DLGAP2: variants seen among roughly 807,000 people sequenced by gnomAD.
DLGAP2 encodes the protein disks large-associated protein 2.
A neutral mutation model predicts 100.3 loss-of-function variants in DLGAP2; 26 were observed. The ratio of observed to expected loss-of-function variants is 0.26; its 90% confidence interval spans 0.19 to 0.36. The LOEUF is 0.36. Among genes scored for constraint, DLGAP2 ranks in the 10% least tolerant of loss-of-function variants. The probability of loss-of-function intolerance (pLI) is 1.00; values close to 1 mark genes in which losing one functional copy is unlikely to be tolerated. For synonymous variants in DLGAP2, 886 were observed against 630.1 expected (o/e 1.41, Z -6.08); for missense variants, 1,858 against 1,453.2 (o/e 1.28, Z -4.53).
chr8:1,500,196 G>A (rs918720013), intron 3 of DLGAP2, among the ~76,000 whole-genome samples: 36 of 152,208 alleles, frequency 2.4e-4, no homozygotes, highest in African/African-American at 7.2e-4. Context: ...CACATGTAAC[G>A]TGGTGCCAAA....
rs547141333 is a variant in DLGAP2 at position 1,699,629 on chromosome 8, G to A, written c.2950-1559G>A. 5.9e-5 allele frequency among the ~76,000 whole-genome samples: 9 copies of A among 152,014 alleles called. No individual in the cohort carries two copies. In the South Asian group the frequency reaches 1.9e-3, roughly 32 times the overall value. On this transcript the variant is annotated intron_variant, in intron 14 of 14. Transcript: ENST00000637795. ...ACTCTGTCTCAAAAAAAAAAAGAAA[G>A]AAAATGGAAATGGTTTCTCGCTGAG... is the stretch of plus-strand genomic sequence containing the variant.
At chr8:1,084,904 T>A (rs1803924765) in intron 2 of DLGAP2, among the ~76,000 whole-genome samples, 1 of 152,220 alleles carries the variant, frequency 6.6e-6, no homozygotes, top group Non-Finnish European at 1.5e-5. Context: ...GAAGTGGGAC[T>A]GCTGGATCAT....
At chr8:998,393 T>C in intron 2 of DLGAP2, among the ~76,000 whole-genome samples, 1 of 152,090 alleles carries the variant, frequency 6.6e-6, no homozygotes, top group Non-Finnish European at 1.5e-5. Flanking sequence ...CTTGAACTCC[T>C]GGGCTCAAGC....
At chr8:1,104,617 C>T (rs76178507) in intron 2 of DLGAP2, among the ~76,000 whole-genome samples, 2,207 of 152,266 alleles carry the variant, frequency 0.014, 51 homozygotes, top group African/African-American at 0.05. Context: ...CTCATTTAAT[C>T]CTTGGGCTGC....
At chr8:1,283,785 A>C (rs893903816) in intron 3 of DLGAP2, among the ~76,000 whole-genome samples, 4 of 152,238 alleles carry the variant, frequency 2.6e-5, no homozygotes, top group Admixed American at 2.6e-4. Context: ...AGTAAAGCAT[A>C]TTTACTGCTA....
chr8:1,139,977 C>G (rs951309298), intron 2 of DLGAP2, among the ~76,000 whole-genome samples: 1 of 152,284 alleles, frequency 6.6e-6, no homozygotes, highest in Admixed American at 6.5e-5. Context: ...GGGGCCTGAG[C>G]CAGCCTTGCT....
chr8:960,418 G>A (rs988165312), intron 2 of DLGAP2, among the ~76,000 whole-genome samples: 3 of 151,376 alleles, frequency 2.0e-5, no homozygotes, highest in Non-Finnish European at 4.4e-5. Context: ...TTTTAGTAGA[G>A]ACGGAGTTTC....
intron 2 of DLGAP2, among the ~76,000 whole-genome samples, chr8:1,060,425 G>C (rs1048048320): frequency 6.6e-6 from 1 of 151,682 alleles, no homozygotes; most frequent in Non-Finnish European, 1.5e-5. Context: ...CTGTGTCCTT[G>C]CTGTGTCCTT....
chr8:1,416,854 C>G (rs1796899739), intron 3 of DLGAP2, among the ~76,000 whole-genome samples: 1 of 152,202 alleles, frequency 6.6e-6, no homozygotes, highest in Admixed American at 6.5e-5. Flanking sequence ...AAAGCGTGAG[C>G]ATAATCCGTT....
chr8:1,165,999 G>A (rs1029330091), intron 2 of DLGAP2, among the ~76,000 whole-genome samples: 2 of 152,138 alleles, frequency 1.3e-5, no homozygotes, highest in African/African-American at 4.8e-5. Context: ...TGGAAAAAAT[G>A]TGGCTAATTA....
intron 4 of DLGAP2, among the ~76,000 whole-genome samples, chr8:1,511,730 A>G (rs1800170762): frequency 6.6e-6 from 1 of 151,892 alleles, no homozygotes; most frequent in Admixed American, 6.5e-5. Context: ...CTAGTGTAAG[A>G]CAATCAATAG....
At chr8:1,462,963 A>G (rs1009008084) in intron 3 of DLGAP2, among the ~76,000 whole-genome samples, 2 of 152,214 alleles carry the variant, frequency 1.3e-5, no homozygotes, top group East Asian at 3.9e-4. Flanking sequence ...TTAAAGTTCA[A>G]GTGGGCCAGG....
At chr8:1,597,034 T>C (rs1796479783) in intron 6 of DLGAP2, among the ~76,000 whole-genome samples, 1 of 152,222 alleles carries the variant, frequency 6.6e-6, no homozygotes, top group Non-Finnish European at 1.5e-5. Context: ...CTTGAGTTAA[T>C]TTTAGTATAA....
In DLGAP2 at chr8:1,120,377, C is replaced by T. The variant is rs186619815; in HGVS notation, c.74-138474C>T. Among the ~76,000 whole-genome samples the T allele has an allele frequency of 2.1e-3, 315 of 152,330 alleles. 1 individual carries two copies. The highest frequency in any genetic ancestry group is 6.4e-3 in the African/African-American group (264 of 41,574). On this transcript the variant is annotated intron_variant, in intron 2 of 14. Transcript: ENST00000637795. ...GGGGCACCCCTTCAGAATTTGTGAA[C>T]ACTAACCCTAGTCCTTCAGATACCA...
At chr8:982,250 C>A (rs374445507) in intron 2 of DLGAP2, among the ~76,000 whole-genome samples, 1 of 152,192 alleles carries the variant, frequency 6.6e-6, no homozygotes, top group Non-Finnish European at 1.5e-5. Context: ...CGTGCAAGAC[C>A]CGTTAATGGA....
chr8:1,212,941 G>A (rs1390508405), intron 2 of DLGAP2, among the ~76,000 whole-genome samples: 1 of 151,932 alleles, frequency 6.6e-6, no homozygotes, highest in Non-Finnish European at 1.5e-5. Context: ...ATATAGATCA[G>A]AAACATTTCT....
Position 1,419,322 on chromosome 8 carries a change from C to CGTGTGT in DLGAP2, c.107-82019_107-82014dup, listed in dbSNP as rs142626887. Among the ~76,000 whole-genome samples, 7 of 54,646 alleles carry CGTGTGT rather than the reference C, an allele frequency of 1.3e-4. 1 individual carries two copies. The highest frequency in any genetic ancestry group is 1.7e-4 in the Non-Finnish European group (5 of 28,736). 35.8% of individuals were successfully genotyped at this position (54,646 alleles called of 152,430 possible). On this transcript the variant is annotated intron_variant, in intron 3 of 14. Transcript: ENST00000637795. Reference sequence around the variant, plus strand: ...TGGGATACTATGTTACACTCTGATACGTGTGTGTGTGTGTGTGTGTGTGTG... The same window carrying CGTGTGT: ...TGGGATACTATGTTACACTCTGATACGTGTGTGTGTGTGTGTGTGTGTGTGTGTGTG...
In DLGAP2 at chr8:848,892, C is replaced by T. The variant is rs550810988; in HGVS notation, c.19-59020C>T. On this transcript the variant is annotated intron_variant, in intron 1 of 14. Transcript: ENST00000637795. Reference sequence around the variant, plus strand: ...CGCGGTGTCTGTTCCAGCATAGGAACGCGCGGTGCCTGTTCCAGCATAGGA... The same window carrying T: ...CGCGGTGTCTGTTCCAGCATAGGAATGCGCGGTGCCTGTTCCAGCATAGGA... 8.5e-4 allele frequency among the ~76,000 whole-genome samples: 116 copies of T among 136,150 alleles called. 1 individual carries two copies. The highest frequency in any genetic ancestry group is 2.7e-3 in the African/African-American group (104 of 38,728). 89.3% of individuals were successfully genotyped at this position (136,150 alleles called of 152,430 possible). A position where few individuals can be genotyped will look rare whatever the true frequency, so the allele number is the denominator to read the frequency against.
At chr8:1,076,091 A>G (rs900181068) in intron 2 of DLGAP2, among the ~76,000 whole-genome samples, 36 of 152,204 alleles carry the variant, frequency 2.4e-4, no homozygotes, top group African/African-American at 8.7e-4. Flanking sequence ...TTTTCACAAC[A>G]ACGTTATCTA....
Sources: allele counts gnomAD v4.1 joint callset (sites outside exome capture counted in the v4.1 genomes callset), GRCh38; gene constraint gnomAD v4.1.1; transcripts MANE v1.5; gene names NCBI Gene and HGNC (gene_info 2026-07-23, HGNC 2026-07-21).